The following RAB38 variants were observed in gnomAD, a reference collection of about 807,000 sequenced individuals.
The protein encoded by RAB38 is ras-related protein Rab-38.
In RAB38, 15 loss-of-function variants were observed where a neutral mutation model predicts 18.4. The observed-to-expected ratio is 0.82, with a 90% CI of 0.55 to 1.26. The LOEUF (loss-of-function observed/expected upper bound fraction) is 1.26. Among genes scored for constraint, RAB38 ranks in the 50% most tolerant of loss-of-function variants. The probability of loss-of-function intolerance (pLI) is 0.00; values close to 1 mark genes in which losing one functional copy is unlikely to be tolerated. For synonymous variants in RAB38, 101 were observed against 104.4 expected (o/e 0.97, Z 0.20); for missense variants, 294 against 267.4 (o/e 1.10, Z -0.69).
At chr11:87,804,204 G>A in the RAB38 span, among the ~76,000 whole-genome samples, 1 of 152,150 alleles carries the variant, frequency 6.6e-6, no homozygotes, top group African/African-American at 2.4e-5. Flanking sequence ...TAATTGAGGG[G>A]TTTCCCCTTT....
At chr11:87,947,737 T>C in the RAB38 span, among the ~76,000 whole-genome samples, 1 of 152,190 alleles carries the variant, frequency 6.6e-6, no homozygotes, top group Non-Finnish European at 1.5e-5. Flanking sequence ...TTCTGTTCCA[T>C]TGGTCTATAT....
the RAB38 span, among the ~76,000 whole-genome samples, chr11:87,840,483 T>G: frequency 6.6e-6 from 1 of 152,148 alleles, no homozygotes; most frequent in Non-Finnish European, 1.5e-5. Flanking sequence ...TCGGACTACC[T>G]TTTCATCCAG....
At chr11:87,964,308 T>C in the RAB38 span, among the ~76,000 whole-genome samples, 1 of 152,094 alleles carries the variant, frequency 6.6e-6, no homozygotes, top group African/African-American at 2.4e-5. Flanking sequence ...TCCAGTGTGA[T>C]ATTCTCTGCT....
At chr11:88,166,261 G>A (rs1306223221) in intron 1 of RAB38, 2 of 152,124 alleles carry the variant, frequency 1.3e-5, no homozygotes, top group Non-Finnish European at 2.9e-5. Flanking sequence ...ATGACTTTGG[G>A]TGTCTCCACT....
the RAB38 span, among the ~76,000 whole-genome samples, chr11:87,894,180 G>A: frequency 5.3e-5 from 8 of 151,478 alleles, no homozygotes; most frequent in African/African-American, 1.2e-4. Context: ...TGATGCTATC[G>A]TAAATGGGAT....
chr11:87,932,170 T>C, the RAB38 span, among the ~76,000 whole-genome samples: 2 of 152,034 alleles, frequency 1.3e-5, no homozygotes, highest in African/African-American at 2.4e-5. Flanking sequence ...AAATACCTAA[T>C]GCATGCTGGG....
chr11:87,803,735 C>T, the RAB38 span, among the ~76,000 whole-genome samples: 1 of 152,148 alleles, frequency 6.6e-6, no homozygotes, highest in African/African-American at 2.4e-5. Context: ...TGTGAAACTA[C>T]AAAACAAGTA....
At chr11:88,055,871 A>G in the RAB38 span, among the ~76,000 whole-genome samples, 4 of 152,338 alleles carry the variant, frequency 2.6e-5, no homozygotes, top group East Asian at 7.7e-4. Context: ...AACTACTGCA[A>G]TGAGACAATT....
chr11:87,870,461 TAAAAA>T, the RAB38 span, among the ~76,000 whole-genome samples: 1 of 148,874 alleles, frequency 6.7e-6, no homozygotes, highest in African/African-American at 2.5e-5. Context: ...TTTTGTCAAA[TAAAAA>T]AAAAATCATT....
At chr11:88,167,015 G>A (rs1943254045) in intron 1 of RAB38, 1 of 152,064 alleles carries the variant, frequency 6.6e-6, no homozygotes, top group South Asian at 2.1e-4. Context: ...TAGGACCCAG[G>A]GATACACTTT....
At chr11:88,157,697 C>T (rs1173587887) in intron 1 of RAB38, among the ~76,000 whole-genome samples, 1 of 152,094 alleles carries the variant, frequency 6.6e-6, no homozygotes, top group African/African-American at 2.4e-5. Flanking sequence ...CTCAAAACCA[C>T]ACAATTACAT....
chr11:87,811,396 G>T, the RAB38 span, among the ~76,000 whole-genome samples: 141,674 of 152,268 alleles, frequency 0.93, 66,027 homozygotes, highest in East Asian at 0.98. Context: ...GTCATAATTG[G>T]GGAACCACGC....
At chr11:87,878,849 T>G in the RAB38 span, among the ~76,000 whole-genome samples, 21 of 151,874 alleles carry the variant, frequency 1.4e-4, no homozygotes, top group Admixed American at 1.2e-3. Flanking sequence ...AGGATGGAAT[T>G]TTTATCCTAC....
the RAB38 span, among the ~76,000 whole-genome samples, chr11:87,860,921 A>G: frequency 6.6e-6 from 1 of 151,936 alleles, no homozygotes; most frequent in Non-Finnish European, 1.5e-5. Context: ...AGGCCGAGAT[A>G]TCAGTTCAAA....
the RAB38 span, among the ~76,000 whole-genome samples, chr11:88,067,802 G>A: frequency 6.6e-6 from 1 of 151,986 alleles, no homozygotes; most frequent in Non-Finnish European, 1.5e-5. Flanking sequence ...AATGTATGTG[G>A]AGCTTAAAAT....
At chr11:87,929,785 A>G in the RAB38 span, among the ~76,000 whole-genome samples, 7 of 135,636 alleles carry the variant, frequency 5.2e-5, no homozygotes, top group East Asian at 1.1e-3. Context: ...TCATTGTTCA[A>G]TTCCCACCTA....
the RAB38 span, among the ~76,000 whole-genome samples, chr11:87,835,783 C>A: frequency 6.6e-6 from 1 of 152,136 alleles, no homozygotes; most frequent in African/African-American, 2.4e-5. Flanking sequence ...CTTAGACTTC[C>A]ATTTTCTACA....
At chr11:87,809,075 C>T in the RAB38 span, among the ~76,000 whole-genome samples, 2 of 152,034 alleles carry the variant, frequency 1.3e-5, no homozygotes, top group East Asian at 3.9e-4. Context: ...GCATGACAAA[C>T]AGAAAGCACA....
chr11:88,058,472 G>T, the RAB38 span, among the ~76,000 whole-genome samples: 1 of 152,166 alleles, frequency 6.6e-6, no homozygotes, highest in Non-Finnish European at 1.5e-5. Flanking sequence ...TGTGGCCTGC[G>T]TGGAGGTTTT....
Sources: gnomAD v4.1 joint callset for allele counts (sites outside exome capture counted in the v4.1 genomes callset) on GRCh38, gnomAD v4.1.1 for gene constraint, MANE v1.5 for transcripts, NCBI Gene and HGNC (gene_info 2026-07-23, HGNC 2026-07-21) for gene names.